NTM: variants seen among roughly 807,000 people sequenced by gnomAD.
The protein encoded by NTM is IgLON family member 2.
A neutral mutation model predicts 42.1 loss-of-function variants in NTM; 13 were observed. That is an observed-to-expected ratio of 0.31 (90% CI 0.20 to 0.49). NTM has a LOEUF of 0.49. NTM is among the 20% of genes least tolerant of loss of function. The pLI is 0.99. For missense variants in NTM, 373 were observed against 452.8 expected (o/e 0.82, Z 1.60); for synonymous variants, 187 against 179.2 (o/e 1.04, Z -0.35).
chr11:131,775,305 T>C (rs781683926), intron 1 of NTM, among the ~76,000 whole-genome samples: 10 of 152,252 alleles, frequency 6.6e-5, no homozygotes, highest in Non-Finnish European at 1.3e-4. Context: ...GTTCATTTGT[T>C]TTAGTTTAAT....
chr11:131,993,308 C>T (rs535641319), intron 2 of NTM, among the ~76,000 whole-genome samples: 5 of 152,012 alleles, frequency 3.3e-5, no homozygotes, highest in Admixed American at 3.3e-4. Flanking sequence ...GGAGGGCTAT[C>T]GGGAAGGTGG....
chr11:131,497,220 G>T (rs1004059535), intron 1 of NTM, among the ~76,000 whole-genome samples: 1 of 152,034 alleles, frequency 6.6e-6, no homozygotes, highest in Non-Finnish European at 1.5e-5. Flanking sequence ...ACCGAGTCTT[G>T]CTCTGTCACC....
chr11:131,404,847 C>A (rs1035516909), intron 1 of NTM, among the ~76,000 whole-genome samples: 55 of 152,232 alleles, frequency 3.6e-4, no homozygotes, highest in African/African-American at 1.3e-3. Flanking sequence ...AAAATTCCTT[C>A]AAAAATGATT....
intron 1 of NTM, among the ~76,000 whole-genome samples, chr11:131,810,098 G>T (rs1385144765): frequency 1.4e-5 from 2 of 146,938 alleles, no homozygotes; most frequent in South Asian, 2.1e-4. Context: ...TCGAGAAAGA[G>T]GGTTCATTAC....
At chr11:132,149,274 C>T (rs1001365950) in intron 3 of NTM, among the ~76,000 whole-genome samples, 37 of 148,898 alleles carry the variant, frequency 2.5e-4, no homozygotes, top group Non-Finnish European at 3.6e-4. Context: ...ATCTTGGGAT[C>T]GTTTATTATA....
At position 131,479,401 on chromosome 11, in the gene NTM, C is replaced by T. The variant is rs187735535; in HGVS notation, c.82+108513C>T. Among the ~76,000 whole-genome samples the T allele has an allele frequency of 4.6e-5, 7 of 152,234 alleles. No homozygotes were observed. In the East Asian group the frequency reaches 1.4e-3, roughly 29 times the overall value. ...AGAGGTTCGAAGAACTGTTAGAGAG[C>T]AGCTGGGATTCATCACAACATGAGA... On this transcript the variant is annotated intron_variant, in intron 1 of 8. Transcript: ENST00000683400.
At chr11:132,300,777 ACCT>A (rs1242603074) in intron 4 of NTM, among the ~76,000 whole-genome samples, 4 of 152,104 alleles carry the variant, frequency 2.6e-5, no homozygotes, top group Non-Finnish European at 4.4e-5. Flanking sequence ...CCCTCCGTTT[ACCT>A]CAGAACTGGC....
At chr11:132,284,742 CCCCACCTGA>C (rs2094155791) in intron 4 of NTM, 1 of 152,766 alleles carries the variant, frequency 6.5e-6, no homozygotes, top group Non-Finnish European at 1.5e-5. Context: ...ACATTGTAAA[CCCCACCTGA>C]CTCTTCCCCG....
intron 4 of NTM, among the ~76,000 whole-genome samples, chr11:132,218,784 G>T (rs566058039): frequency 1.3e-5 from 2 of 152,146 alleles, no homozygotes; most frequent in Non-Finnish European, 2.9e-5. Flanking sequence ...TGGGCCTTCA[G>T]GTCTGAGCAT....
intron 2 of NTM, among the ~76,000 whole-genome samples, chr11:131,982,288 C>A (rs1321125995): frequency 6.6e-6 from 1 of 151,972 alleles, no homozygotes; most frequent in Non-Finnish European, 1.5e-5. Context: ...GAGTTTGCAA[C>A]CCTCCCCAGT....
intron 1 of NTM, among the ~76,000 whole-genome samples, chr11:131,876,881 C>G (rs1174514067): frequency 6.8e-6 from 1 of 147,244 alleles, no homozygotes; most frequent in Non-Finnish European, 1.5e-5. Flanking sequence ...TTTTTTGAGA[C>G]AGAGTCTCAC....
In NTM at chr11:132,295,889, A is replaced by G. The variant is rs530654275; in HGVS notation, c.527-11800A>G. Among the ~76,000 whole-genome samples, 90 of 152,338 alleles carry G rather than the reference A, an allele frequency of 5.9e-4. 3 individuals carry two copies. In the South Asian group the frequency reaches 0.018, roughly 30 times the overall value. On this transcript the variant is annotated intron_variant, in intron 4 of 8. Transcript: ENST00000683400. ...GAATAAATGGGAGGCGTGGAGACTC[A>G]TAAAGAGGATATTGTAATAATCCAG... is the stretch of plus-strand genomic sequence containing the variant.
At chr11:131,968,197 A>G (rs1306009243) in intron 2 of NTM, among the ~76,000 whole-genome samples, 1 of 152,200 alleles carries the variant, frequency 6.6e-6, no homozygotes, top group South Asian at 2.1e-4. Context: ...GGAAATAAAA[A>G]ACAAAAAACT....
At chr11:131,958,979 G>A (rs927871741) in intron 2 of NTM, among the ~76,000 whole-genome samples, 1 of 152,142 alleles carries the variant, frequency 6.6e-6, no homozygotes, top group Non-Finnish European at 1.5e-5. Context: ...CTGTTTCAGG[G>A]GTGCTGGCGG....
intron 3 of NTM, among the ~76,000 whole-genome samples, chr11:132,193,339 T>C (rs2079612889): frequency 6.6e-6 from 1 of 151,994 alleles, no homozygotes; most frequent in Non-Finnish European, 1.5e-5. Flanking sequence ...AAAGAAATTA[T>C]TAACAAGAAG....
At chr11:131,425,502 G>T (rs555776198) in intron 1 of NTM, among the ~76,000 whole-genome samples, 2 of 152,124 alleles carry the variant, frequency 1.3e-5, no homozygotes, top group African/African-American at 2.4e-5. Flanking sequence ...AAGTCCAAAG[G>T]CTTCCCTGAA....
chr11:131,993,229 G>C (rs2067340237), intron 2 of NTM, among the ~76,000 whole-genome samples: 2 of 152,110 alleles, frequency 1.3e-5, no homozygotes, highest in Admixed American at 6.6e-5. Flanking sequence ...GCAACTTCTT[G>C]GGAGTGCATT....
chr11:132,124,404 G>A (rs770187586), intron 2 of NTM, among the ~76,000 whole-genome samples: 9 of 152,178 alleles, frequency 5.9e-5, no homozygotes, highest in Non-Finnish European at 1.0e-4. Flanking sequence ...CCGCCCTGTT[G>A]GAAGCTCTTG....
chr11:131,600,703 A>G (rs1216036035), intron 1 of NTM, among the ~76,000 whole-genome samples: 1 of 152,228 alleles, frequency 6.6e-6, no homozygotes, highest in Admixed American at 6.5e-5. Flanking sequence ...ACCGCTGGCC[A>G]GGAGGTACTT....
Sources: allele counts gnomAD v4.1 joint callset (sites outside exome capture counted in the v4.1 genomes callset), GRCh38; gene constraint gnomAD v4.1.1; transcripts MANE v1.5; gene names NCBI Gene and HGNC (gene_info 2026-07-23, HGNC 2026-07-21).